Variants in ERAP2 observed in about 807,000 individuals in gnomAD.
ERAP2 encodes leukocyte-derived arginine aminopeptidase.
Under a neutral mutation model 111.1 loss-of-function variants are expected in ERAP2, and 118 were observed. The ratio of observed to expected loss-of-function variants is 1.06; its 90% CI spans 0.92 to 1.24. The LOEUF (loss-of-function observed/expected upper bound fraction) is 1.24. ERAP2 is among the 50% of genes most tolerant of loss of function. ERAP2 has a pLI of 0.00. For synonymous variants in ERAP2, 410 were observed against 401.2 expected, an observed-to-expected ratio of 1.02 and a Z score of -0.26; for missense variants, 1,131 against 1,125.8, an observed-to-expected ratio of 1.00 and a Z score of -0.07.
chr5:96,918,020 G>A lies in ERAP2; in HGVS notation c.*415G>A, dbSNP rs1787636141. The stretch of plus-strand genomic sequence containing the variant: ...GTAACACCAGTGAAGCTCAAGTCAA[G>A]AGCTGTGGATATTTTGTCTAACCAA... On this transcript the variant is annotated 3_prime_UTR_variant, in exon 19 of 19. Transcript: ENST00000437043. The A allele has an allele frequency of 6.6e-6, 1 of 152,108 alleles. No individual in the cohort carries two copies. The highest frequency in any genetic ancestry group is 1.5e-5 in the Non-Finnish European group (1 of 68,376). 9.4% of individuals were successfully genotyped at this position (152,108 alleles called of 1,614,324 possible). A position where few individuals can be genotyped will look rare whatever the true frequency, so the allele number is the denominator to read the frequency against.
rs375953006 is a variant in ERAP2 at position 96,917,644 on chromosome 5, C to G, written c.*39C>G. The G allele has an allele frequency of 3.4e-4, 526 of 1,547,330 alleles. 5 individuals carry two copies. The highest frequency in any genetic ancestry group is 1.3e-4 in the Admixed American group (7 of 55,074). On this transcript the variant is annotated 3_prime_UTR_variant, in exon 19 of 19. Coordinates refer to ENST00000437043, the MANE Select transcript of ERAP2 (RefSeq NM_022350.5). ...AAAGTAGGCTGGGCGCGGTGGCTCA[C>G]GCCTGTAATCCCAGCACTTTGGGAG...
At position 96,895,246 on chromosome 5, in the gene ERAP2, T is replaced by C; in HGVS notation, c.1126T>C (p.Trp376Arg). The C allele has an allele frequency of 6.3e-7, 1 of 1,595,330 alleles. No homozygotes were observed. The highest frequency in any genetic ancestry group is 8.6e-7 in the Non-Finnish European group (1 of 1,166,732). ...RVIAHELAHQWFGNLVTMEWW... is the reference protein window; with the variant it reads ...RVIAHELAHQRFGNLVTMEWW... ...ATAATATTGAGTTTTTACCTCCTAG[T>C]GGTTTGGCAACCTGGTCACAATGGA... Residue 376 changes from tryptophan to arginine, a missense_variant and splice_region_variant, in exon 7 of 19, where the codon TGG becomes CGG. Physicochemically the swap from Trp to Arg is moderately radical, Grantham distance 101. Around this residue, in one of 3 missense-constraint regions of ERAP2, gnomAD observed 847 missense variants for 856.5 expected, o/e 0.99. Transcript: ENST00000437043.
intron 2 of ERAP2, chr5:96,880,905 G>A (rs1281062842): frequency 6.2e-6 from 1 of 160,114 alleles, no homozygotes; most frequent in Non-Finnish European, 1.4e-5. Context: ...GTGCAAGAAA[G>A]GTAGAAAATG....
rs375719933 is a variant in ERAP2 at position 96,900,203 on chromosome 5, G to C, written c.1572+14G>C. The C allele has an allele frequency of 2.4e-5, 38 of 1,613,188 alleles. No homozygotes were observed. The highest frequency in any genetic ancestry group is 2.7e-5 in the Non-Finnish European group (32 of 1,179,678). ...ACAAGTAACATGGTAAGGATAAAGA[G>C]AGTCACAGAGTAGAAGAGATCTGTG... On this transcript the variant is annotated intron_variant, in intron 10 of 18. Transcript: ENST00000437043.
Position 96,903,660 on chromosome 5 carries a change from T to C in ERAP2, c.2012+100T>C, listed in dbSNP as rs567569203. The C allele has an allele frequency of 1.2e-4, 139 of 1,137,528 alleles. 2 individuals carry two copies. The South Asian group carries it at 2.2e-3, about 18-fold the overall frequency. 70.5% of individuals were successfully genotyped at this position (1,137,528 alleles called of 1,614,324 possible). A position where few individuals can be genotyped will look rare whatever the true frequency, so the allele number is the denominator to read the frequency against. Reference sequence around the variant, plus strand: ...TGTTCAACATTGGTCATTGATTTAATATGGATTTGAATGGAATTCAAACAG... The same window carrying C: ...TGTTCAACATTGGTCATTGATTTAACATGGATTTGAATGGAATTCAAACAG... On this transcript the variant is annotated intron_variant, in intron 13 of 18. Coordinates refer to ENST00000437043, the MANE Select transcript of ERAP2 (RefSeq NM_022350.5).
intron 4 of ERAP2, 93 bp downstream of exon 4, chr5:96,886,882 T>A: frequency 8.6e-7 from 1 of 1,166,526 alleles, no homozygotes; most frequent in Non-Finnish European, 1.1e-6. Context: ...GTTATCAAAG[T>A]ATTATGTTTA....
intron 11 of ERAP2, among the ~76,000 whole-genome samples, chr5:96,902,073 T>C (rs867211774): frequency 6.6e-6 from 1 of 152,224 alleles, no homozygotes; most frequent in Non-Finnish European, 1.5e-5. Context: ...ATATGGCTGC[T>C]CCTTTATAAT....
chr5:96,891,128 G>C (rs997813406), intron 5 of ERAP2, among the ~76,000 whole-genome samples: 31 of 152,050 alleles, frequency 2.0e-4, no homozygotes, highest in African/African-American at 7.2e-4. Context: ...TGTTTTTAAT[G>C]TACTAGAATT....
In ERAP2 at chr5:96,918,634, C is replaced by T. The variant is rs1787694347; in HGVS notation, c.*1029C>T. 1 of 152,048 alleles carries T rather than the reference C, an allele frequency of 6.6e-6. No individual in the cohort carries two copies. The highest frequency in any genetic ancestry group is 1.5e-5 in the Non-Finnish European group (1 of 68,000). 9.4% of individuals were successfully genotyped at this position (152,048 alleles called of 1,614,324 possible). A position where few individuals can be genotyped will look rare whatever the true frequency, so the allele number is the denominator to read the frequency against. Reference sequence around the variant, plus strand: ...TATAATTCATACCATTTGGTTTAAGCCTTACATTCATGAAGTACCTCAAGG... The same window carrying T: ...TATAATTCATACCATTTGGTTTAAGTCTTACATTCATGAAGTACCTCAAGG... On this transcript the variant is annotated 3_prime_UTR_variant, in exon 19 of 19. Coordinates refer to ENST00000437043, the MANE Select transcript of ERAP2 (RefSeq NM_022350.5).
chr5:96,901,464 G>A, intron 10 of ERAP2, 42 bp from the exon 11 acceptor site: 11 of 1,595,590 alleles, frequency 6.9e-6, no homozygotes, highest in Non-Finnish European at 9.4e-6. Flanking sequence ...TCTTTGGATT[G>A]TCTCCTCTCT....
chr5:96,909,301 C>T (rs1581896551), intron 14 of ERAP2, among the ~76,000 whole-genome samples, 184 bp downstream of exon 14: 2 of 152,290 alleles, frequency 1.3e-5, no homozygotes, highest in African/African-American at 4.8e-5. Flanking sequence ...AGCTAGATAC[C>T]AGGATCATGT....
rs1293964267 is a variant in ERAP2, at chr5:96,895,323, T to TA, written c.1204dup (p.Ile402AsnfsTer4). 6.2e-7 allele frequency: 1 copy of TA among 1,612,476 alleles called. No homozygotes were observed. Among genetic ancestry groups the TA allele is most frequent in the African/African-American group, 1.3e-5 (1 of 74,966 alleles). ...AGGGTTTTGCAAAATACATGGAACT[T>TA]ATCGCTGTTAATGCTACATATCCAG... On this transcript the variant is annotated frameshift_variant, in exon 7 of 19. Transcript: ENST00000437043. LOFTEE classifies it high-confidence loss of function.
chr5:96,889,141 A>G (rs780170550), intron 4 of ERAP2, 44 bp from the exon 5 acceptor site: 2 of 1,609,792 alleles, frequency 1.2e-6, no homozygotes, highest in Non-Finnish European at 1.7e-6. Flanking sequence ...GAATTATGCC[A>G]GGGAGCTGTC....
In ERAP2 at chr5:96,879,601, T is replaced by C; in HGVS notation, c.-85T>C. 9.6e-7 allele frequency: 1 copy of C among 1,039,794 alleles called. No individual in the cohort carries two copies. Among genetic ancestry groups the C allele is most frequent in the East Asian group, 2.4e-5 (1 of 41,402 alleles). The allele number at this position is 1,039,794 out of a possible 1,614,324, so 64.4% of individuals were successfully genotyped here. A position where few individuals can be genotyped will look rare whatever the true frequency, so the allele number is the denominator to read the frequency against. On this transcript the variant is annotated 5_prime_UTR_variant, in exon 2 of 19. An upstream start codon of the reference 5' UTR is lost. Coordinates refer to ENST00000437043, the MANE Select transcript of ERAP2 (RefSeq NM_022350.5). ...TATTGAAAATATTGTTCAGACCCCA[T>C]GTGACATAACTGGAGCCAGTGCAGT...
rs772793724 is a variant in ERAP2, at chr5:96,917,614, T to C, written c.*9T>C. On this transcript the variant is annotated 3_prime_UTR_variant, in exon 19 of 19. Transcript: ENST00000437043. ...TAATGGTTAATACTTAAATGGTCAA[T>C]AGAAAAAGTAGGCTGGGCGCGGTGG... 5.0e-6 allele frequency: 8 copies of C among 1,607,134 alleles called. No homozygotes were observed. Among genetic ancestry groups the C allele is most frequent in the African/African-American group, 2.7e-5 (2 of 74,444 alleles).
chr5:96,910,676 A>G (rs1653539557), intron 15 of ERAP2, among the ~76,000 whole-genome samples: 1 of 152,246 alleles, frequency 6.6e-6, no homozygotes, highest in South Asian at 2.1e-4. Flanking sequence ...GAATATACCT[A>G]TGAAAATATT....
intron 17 of ERAP2, among the ~76,000 whole-genome samples, chr5:96,915,139 C>T (rs1427218547): frequency 6.6e-6 from 1 of 152,024 alleles, no homozygotes; most frequent in East Asian, 1.9e-4. Context: ...TCCTGAGTAG[C>T]TGGGATTACA....
At chr5:96,904,865 T>C (rs146943392) in intron 13 of ERAP2, among the ~76,000 whole-genome samples, 111 of 152,370 alleles carry the variant, frequency 7.3e-4, no homozygotes, top group African/African-American at 2.5e-3. Flanking sequence ...TAATCATCTT[T>C]TCTTCACTAA....
At chr5:96,900,318 C>G in intron 10 of ERAP2, 129 bp downstream of exon 10, 1 of 1,380,104 alleles carries the variant, frequency 7.2e-7, no homozygotes, top group Non-Finnish European at 9.6e-7. Context: ...CCACGATTTT[C>G]TCTAAAACAA....
Sources: gnomAD v4.1 joint callset for allele counts (sites outside exome capture counted in the v4.1 genomes callset) on GRCh38, gnomAD v4.1.1 for gene constraint, gnomAD v4.1.1 regional missense constraint, MANE v1.5 for transcripts, NCBI Gene and HGNC (gene_info 2026-07-23, HGNC 2026-07-21) for gene names.